Variants in RSPO3 observed in about 807,000 individuals in gnomAD.
RSPO3 encodes the protein R-spondin-3.
A neutral mutation model predicts 36.5 loss-of-function variants in RSPO3; 17 were observed. That is an observed-to-expected ratio of 0.47 (90% CI 0.32 to 0.70). RSPO3 has a LOEUF of 0.70. RSPO3 is among the 30% of genes least tolerant of loss of function. RSPO3 has a pLI of 0.04. For missense variants in RSPO3, 294 were observed against 322.5 expected, an observed-to-expected ratio of 0.91 and a Z score of 0.68; for synonymous variants, 108 against 107.0, an observed-to-expected ratio of 1.01 and a Z score of -0.06.
intron 4 of RSPO3, among the ~76,000 whole-genome samples, chr6:127,180,244 T>C (rs1775153451): frequency 6.6e-6 from 1 of 151,572 alleles, no homozygotes; most frequent in African/African-American, 2.4e-5. Context: ...GAGCATGATG[T>C]GATCAAATTA....
chr6:127,145,177 A>G (rs1774358077), intron 1 of RSPO3, among the ~76,000 whole-genome samples: 2 of 152,064 alleles, frequency 1.3e-5, no homozygotes, highest in South Asian at 4.1e-4. Context: ...GGCTGGACCT[A>G]GAAACCCACC....
chr6:127,184,066 G>A (rs1464894737), intron 4 of RSPO3, among the ~76,000 whole-genome samples: 1 of 151,842 alleles, frequency 6.6e-6, no homozygotes, highest in Non-Finnish European at 1.5e-5. Context: ...AACAGCATGA[G>A]GGTAACCACC....
intron 4 of RSPO3, among the ~76,000 whole-genome samples, chr6:127,181,995 AG>A (rs1775197164): frequency 6.6e-6 from 1 of 152,034 alleles, no homozygotes; most frequent in East Asian, 1.9e-4. Flanking sequence ...TGAGGGCCTC[AG>A]GCTGCTTCCA....
intron 3 of RSPO3, among the ~76,000 whole-genome samples, chr6:127,153,017 G>A (rs1195496110): frequency 6.6e-6 from 1 of 152,040 alleles, no homozygotes; most frequent in African/African-American, 2.4e-5. Flanking sequence ...ACTACTAATA[G>A]GACATCCTAT....
intron 4 of RSPO3, among the ~76,000 whole-genome samples, chr6:127,172,644 A>G (rs1774963107): frequency 6.6e-6 from 1 of 151,846 alleles, no homozygotes; most frequent in South Asian, 2.1e-4. Context: ...CATTACCATA[A>G]CCATATTAAC....
intron 4 of RSPO3, among the ~76,000 whole-genome samples, chr6:127,160,255 C>G (rs1286918554): frequency 2.6e-5 from 4 of 152,170 alleles, no homozygotes; most frequent in Admixed American, 2.0e-4. Flanking sequence ...TATGGATTGA[C>G]AGTTTACAAT....
chr6:127,154,411 G>A (rs556790343), intron 3 of RSPO3, among the ~76,000 whole-genome samples: 1 of 152,144 alleles, frequency 6.6e-6, no homozygotes, highest in South Asian at 2.1e-4. Flanking sequence ...AACTAATACA[G>A]AAAAAGGAAA....
At chr6:127,171,270 G>T (rs1455991787) in intron 4 of RSPO3, among the ~76,000 whole-genome samples, 2 of 151,632 alleles carry the variant, frequency 1.3e-5, no homozygotes, top group Non-Finnish European at 3.0e-5. Context: ...AAAATTGCTT[G>T]ACTCTCAGAA....
intron 1 of RSPO3, among the ~76,000 whole-genome samples, chr6:127,135,059 G>A (rs1774126548): frequency 6.6e-6 from 1 of 152,154 alleles, no homozygotes; most frequent in Admixed American, 6.5e-5. Flanking sequence ...CAGACTACTT[G>A]ACAGAATGGT....
chr6:127,182,323 A>C (rs1019603115), intron 4 of RSPO3, among the ~76,000 whole-genome samples: 2 of 151,916 alleles, frequency 1.3e-5, no homozygotes, highest in African/African-American at 4.8e-5. Context: ...CATTACCTTA[A>C]CTAGGTCTTA....
intron 4 of RSPO3, chr6:127,192,641 T>C (rs1775434967): frequency 3.0e-6 from 3 of 985,072 alleles, no homozygotes; most frequent in Admixed American, 6.2e-5. Context: ...AACACCCTCA[T>C]AGGTAGAACA....
At chr6:127,169,226 G>C (rs909837309) in intron 4 of RSPO3, among the ~76,000 whole-genome samples, 1 of 151,166 alleles carries the variant, frequency 6.6e-6, no homozygotes, top group South Asian at 2.1e-4. Context: ...TTTCTGTTTG[G>C]TTTTTTGTTT....
intron 4 of RSPO3, among the ~76,000 whole-genome samples, chr6:127,190,309 T>C (rs942173538): frequency 3.9e-5 from 6 of 152,096 alleles, no homozygotes; most frequent in Admixed American, 6.6e-5. Context: ...GCACCTGTAC[T>C]TCCAGCTACT....
chr6:127,190,968 T>C (rs144463994), intron 4 of RSPO3, among the ~76,000 whole-genome samples: 2 of 152,338 alleles, frequency 1.3e-5, no homozygotes, highest in South Asian at 2.1e-4. Context: ...GAACGTGTTC[T>C]ATGGTTTGCA....
intron 2 of RSPO3, among the ~76,000 whole-genome samples, chr6:127,150,186 T>TATATATATATATATACAC (rs775035980): frequency 6.7e-6 from 1 of 149,444 alleles, no homozygotes; most frequent in African/African-American, 2.5e-5. Flanking sequence ...TATATATATA[T>TATATATATATATATACAC]ACACACACAC....
intron 4 of RSPO3, among the ~76,000 whole-genome samples, chr6:127,179,246 A>C (rs1016258475): frequency 6.6e-6 from 1 of 151,862 alleles, no homozygotes; most frequent in African/African-American, 2.4e-5. Context: ...TTTGCTTCTT[A>C]CAATAATTAG....
intron 4 of RSPO3, among the ~76,000 whole-genome samples, chr6:127,168,794 T>C (rs1774876656): frequency 6.6e-6 from 1 of 152,108 alleles, no homozygotes; most frequent in Non-Finnish European, 1.5e-5. Context: ...AAGAAAGGGA[T>C]CCAGTTTCAG....
intron 4 of RSPO3, among the ~76,000 whole-genome samples, chr6:127,187,464 T>C (rs1775319902): frequency 6.6e-6 from 1 of 152,162 alleles, no homozygotes; most frequent in South Asian, 2.1e-4. Flanking sequence ...TGAATAATAT[T>C]TGACGGTGCT....
intron 3 of RSPO3, among the ~76,000 whole-genome samples, chr6:127,151,286 G>A (rs1047922945): frequency 2.0e-5 from 3 of 151,940 alleles, no homozygotes; most frequent in Admixed American, 6.6e-5. Flanking sequence ...TGAAGGGGAG[G>A]TCCCTCAGAC....
Sources: allele counts gnomAD v4.1 joint callset (sites outside exome capture counted in the v4.1 genomes callset), GRCh38; gene constraint gnomAD v4.1.1; transcripts MANE v1.5; gene names NCBI Gene and HGNC (gene_info 2026-07-23, HGNC 2026-07-21).